CRACD: variants seen among roughly 807,000 people sequenced by gnomAD.
CRACD encodes capping protein inhibiting regulator of actin dynamics, also known as capping protein-inhibiting regulator of actin dynamics.
CRACD carries 56 observed loss-of-function variants against 106.8 expected under a neutral mutation model. The observed-to-expected ratio is 0.52, with a 90% CI of 0.42 to 0.66. CRACD has a LOEUF of 0.66. CRACD is among the 30% of genes least tolerant of loss of function. CRACD has a pLI of 0.00. For missense variants in CRACD, 1,730 were observed against 1,623.2 expected (o/e 1.07, Z -1.13); for synonymous variants, 754 against 670.8 (o/e 1.12, Z -1.92).
chr4:56,247,713 A>G (rs1376954078), intron 2 of CRACD, among the ~76,000 whole-genome samples: 2 of 152,018 alleles, frequency 1.3e-5, no homozygotes, highest in Non-Finnish European at 2.9e-5. Context: ...AGGCGTGTTC[A>G]TGTATGCCTA....
In CRACD at chr4:56,328,181, C is replaced by T. The variant is rs1387120891; in HGVS notation, c.*377C>T. 1.2e-5 allele frequency: 5 copies of T among 403,098 alleles called. No homozygotes were observed. Among genetic ancestry groups the T allele is most frequent in the Admixed American group, 3.1e-5 (1 of 31,956 alleles). The allele number at this position is 403,098 out of a possible 1,614,324, so 25.0% of individuals were successfully genotyped here. A position where few individuals can be genotyped will look rare whatever the true frequency, so the allele number is the denominator to read the frequency against. On this transcript the variant is annotated 3_prime_UTR_variant, in exon 11 of 11. Transcript: ENST00000682029. ...AACCTTTGGTAATGGTTTTTTGATT[C>T]TATGCACTAATTTTCTTTGTCCAAA...
intron 1 of CRACD, among the ~76,000 whole-genome samples, chr4:56,074,877 T>G (rs1179214762): frequency 4.6e-5 from 7 of 152,306 alleles, no homozygotes; most frequent in African/African-American, 1.7e-4. Flanking sequence ...CCTAGTTTAT[T>G]GAGAGTTTTT....
intron 2 of CRACD, among the ~76,000 whole-genome samples, chr4:56,190,100 G>C (rs1737303311): frequency 1.3e-5 from 2 of 150,978 alleles, no homozygotes; most frequent in South Asian, 4.2e-4. Context: ...ATAGTTTGCT[G>C]AGAATGATGA....
At chr4:56,166,120 C>G (rs775194077) in intron 1 of CRACD, among the ~76,000 whole-genome samples, 1 of 152,152 alleles carries the variant, frequency 6.6e-6, no homozygotes, top group African/African-American at 2.4e-5. Context: ...CCTTCTTAGC[C>G]TCCCAGATTA....
intron 1 of CRACD, among the ~76,000 whole-genome samples, chr4:56,100,902 A>G (rs1043502559): frequency 6.6e-6 from 1 of 152,206 alleles, no homozygotes; most frequent in African/African-American, 2.4e-5. Context: ...TGAGCAAGAG[A>G]ATGAAAACAA....
At chr4:56,128,295 G>T (rs1217779393) in intron 1 of CRACD, among the ~76,000 whole-genome samples, 1 of 152,170 alleles carries the variant, frequency 6.6e-6, no homozygotes, top group African/African-American at 2.4e-5. Flanking sequence ...GCTTTCCATA[G>T]AGCATAAAGT....
intron 4 of CRACD, among the ~76,000 whole-genome samples, chr4:56,304,312 C>CTTTTTTTTTTTTTTTTTTTTTCCT (rs10551073): frequency 7.8e-6 from 1 of 127,970 alleles, no homozygotes; most frequent in Non-Finnish European, 1.6e-5. Context: ...GTTCTTATTC[C>CTTTTTTTTTTTTTTTTTTTTTCCT]TTTTTTTTTT....
At chr4:56,150,529 C>T (rs12640906) in intron 1 of CRACD, among the ~76,000 whole-genome samples, 10,294 of 152,216 alleles carry the variant, frequency 0.068, 721 homozygotes, top group East Asian at 0.39. Flanking sequence ...AACACCTACC[C>T]GCTATGCATC....
chr4:56,090,344 A>T (rs760169215), intron 1 of CRACD, among the ~76,000 whole-genome samples: 4 of 152,090 alleles, frequency 2.6e-5, no homozygotes, highest in African/African-American at 9.7e-5. Flanking sequence ...TCCTGTGGTT[A>T]TTGTTAGTGC....
chr4:56,158,126 C>T (rs1163611396), intron 1 of CRACD, among the ~76,000 whole-genome samples: 3 of 152,222 alleles, frequency 2.0e-5, no homozygotes, highest in African/African-American at 4.8e-5. Context: ...AAAACAACTA[C>T]TCATACTGAG....
At chr4:56,153,360 A>G (rs1438558430) in intron 1 of CRACD, among the ~76,000 whole-genome samples, 1 of 152,128 alleles carries the variant, frequency 6.6e-6, no homozygotes, top group Non-Finnish European at 1.5e-5. Context: ...AAACTGCATC[A>G]TCACCCTCTT....
chr4:56,077,182 G>A (rs777481366), intron 1 of CRACD, among the ~76,000 whole-genome samples: 6 of 152,198 alleles, frequency 3.9e-5, no homozygotes, highest in Admixed American at 1.3e-4. Context: ...TGGCTGGAGA[G>A]GCCTCAGGAA....
In CRACD at chr4:56,320,564, A is replaced by G. The variant is rs182459421; in HGVS notation, c.3188-2813A>G. ...TTGCATCGTCTCCTTCGGTGCTCAC[A>G]GCACACGGATAGGTAGGTAGTCTTG... On this transcript the variant is annotated intron_variant, in intron 8 of 10. Transcript: ENST00000682029. 5.7e-3 allele frequency among the ~76,000 whole-genome samples: 873 copies of G among 152,356 alleles called. 4 individuals are homozygous for G. The highest frequency in any genetic ancestry group is 9.9e-3 in the Non-Finnish European group (672 of 68,034).
chr4:56,302,448 C>T (rs996700782), intron 4 of CRACD, among the ~76,000 whole-genome samples: 3 of 152,132 alleles, frequency 2.0e-5, no homozygotes, highest in South Asian at 4.1e-4. Context: ...GTTTGTACCA[C>T]GGATTATCTG....
chr4:56,315,366 CT>C lies in CRACD; in HGVS notation c.1865del (p.Leu622ArgfsTer55). The C allele has an allele frequency of 6.2e-7, 1 of 1,613,610 alleles. No homozygotes were observed. The highest frequency in any genetic ancestry group is 8.5e-7 in the Non-Finnish European group (1 of 1,179,908). On this transcript the variant is annotated frameshift_variant, in exon 8 of 11. Transcript: ENST00000682029. LOFTEE classifies it high-confidence loss of function. The surrounding 1 kb of genome is among the most constrained non-coding windows in gnomAD (Gnocchi z 4.1). ...CAAGGACACCGCGTGCAAGTCCCTCCTGGGCTTGGAGGAGAAGAAGCACGCG... is the reference window on the plus strand; with the variant it reads ...CAAGGACACCGCGTGCAAGTCCCTCCGGGCTTGGAGGAGAAGAAGCACGCG... ...QIKDTACKSL[L>X]GLEEKKHAEA...
At chr4:56,128,395 C>T (rs1734723004) in intron 1 of CRACD, among the ~76,000 whole-genome samples, 1 of 152,158 alleles carries the variant, frequency 6.6e-6, no homozygotes, top group African/African-American at 2.4e-5. Flanking sequence ...TTTGTATGAA[C>T]AGTAATCCTT....
At chr4:56,098,698 A>G (rs1560450286) in intron 1 of CRACD, among the ~76,000 whole-genome samples, 1 of 152,016 alleles carries the variant, frequency 6.6e-6, no homozygotes, top group Non-Finnish European at 1.5e-5. Context: ...GGTGCAATCT[A>G]TTCTTTTTTT....
intron 1 of CRACD, among the ~76,000 whole-genome samples, chr4:56,055,860 T>C (rs2109779452): frequency 6.6e-6 from 1 of 152,322 alleles, no homozygotes; most frequent in South Asian, 2.1e-4. Context: ...AGGCAGATCA[T>C]TGATCACAAA....
chr4:56,311,998 G>C (rs192733316), intron 6 of CRACD, among the ~76,000 whole-genome samples: 3 of 151,990 alleles, frequency 2.0e-5, no homozygotes, highest in African/African-American at 7.2e-5. Context: ...TTTAGTGATT[G>C]CATCTGTATT....
Sources: allele counts gnomAD v4.1 joint callset (sites outside exome capture counted in the v4.1 genomes callset), GRCh38; gene constraint gnomAD v4.1.1; non-coding constraint Gnocchi (gnomAD v3.1); transcripts MANE v1.5; gene names NCBI Gene and HGNC (gene_info 2026-07-23, HGNC 2026-07-21).